CPNE4: variants seen among roughly 807,000 people sequenced by gnomAD.
CPNE4 encodes copine 4, also known as copine-4.
CPNE4 carries 25 observed loss-of-function variants against 67.9 expected under a neutral mutation model. The ratio of observed to expected loss-of-function variants is 0.37; its 90% CI spans 0.27 to 0.51. The LOEUF (loss-of-function observed/expected upper bound fraction) is 0.51. CPNE4 is among the 20% of genes least tolerant of loss of function. The pLI is 0.93. For missense variants in CPNE4, 464 were observed against 690.8 expected (o/e 0.67, Z 3.68); for synonymous variants, 242 against 244.9 (o/e 0.99, Z 0.11).
At chr3:131,567,886 T>C (rs1582813557) in intron 10 of CPNE4, among the ~76,000 whole-genome samples, 1 of 152,122 alleles carries the variant, frequency 6.6e-6, no homozygotes, top group Non-Finnish European at 1.5e-5. Context: ...GGTGCTACTA[T>C]TTAAACATTC....
At chr3:132,024,357 T>C (rs1313784298) in intron 1 of CPNE4, among the ~76,000 whole-genome samples, 1 of 152,186 alleles carries the variant, frequency 6.6e-6, no homozygotes, top group African/African-American at 2.4e-5. Context: ...GTGTTGGGAT[T>C]ACAGGTGTGA....
chr3:131,788,307 GATTA>G (rs1431805548), intron 2 of CPNE4, among the ~76,000 whole-genome samples: 24 of 152,098 alleles, frequency 1.6e-4, no homozygotes, highest in Admixed American at 7.2e-4. Context: ...TATGCATGCT[GATTA>G]ATTAATAAAA....
At chr3:131,843,156 A>C (rs976478947) in intron 2 of CPNE4, among the ~76,000 whole-genome samples, 2 of 152,190 alleles carry the variant, frequency 1.3e-5, no homozygotes, top group Non-Finnish European at 2.9e-5. Context: ...ATTCAGAAAA[A>C]ACAAGTCTTA....
intron 2 of CPNE4, among the ~76,000 whole-genome samples, chr3:131,787,790 C>T (rs183163008): frequency 6.6e-6 from 1 of 152,062 alleles, no homozygotes; most frequent in African/African-American, 2.4e-5. Context: ...TGATAAGTTC[C>T]TGGAAGGCAG....
At chr3:131,883,807 G>T (rs1244362966) in intron 2 of CPNE4, among the ~76,000 whole-genome samples, 1 of 152,216 alleles carries the variant, frequency 6.6e-6, no homozygotes, top group African/African-American at 2.4e-5. Flanking sequence ...ATGTTGCACA[G>T]AAGATCTCTA....
chr3:131,598,844 CCCCCA>C, intron 7 of CPNE4, among the ~76,000 whole-genome samples: 1 of 115,032 alleles, frequency 8.7e-6, no homozygotes, highest in African/African-American at 5.2e-5. Context: ...TAAAATTGTC[CCCCCA>C]CCCCCCCGCC....
intron 2 of CPNE4, among the ~76,000 whole-genome samples, chr3:131,804,013 G>T (rs1385328603): frequency 6.6e-6 from 1 of 152,144 alleles, no homozygotes; most frequent in African/African-American, 2.4e-5. Context: ...TATCTCTTGT[G>T]TGCCTATAAA....
chr3:131,779,148 A>G (rs1386039136), intron 2 of CPNE4, among the ~76,000 whole-genome samples: 1 of 152,114 alleles, frequency 6.6e-6, no homozygotes, highest in Non-Finnish European at 1.5e-5. Flanking sequence ...AAATCTCTAC[A>G]CTGAGAATTA....
chr3:131,953,351 G>A (rs182759932), intron 1 of CPNE4, among the ~76,000 whole-genome samples: 19 of 151,282 alleles, frequency 1.3e-4, no homozygotes, highest in Admixed American at 2.6e-4. Flanking sequence ...TTTTAGCTGC[G>A]GATTTGTCAT....
chr3:131,920,570 G>A (rs912575063), intron 1 of CPNE4, among the ~76,000 whole-genome samples: 2 of 151,652 alleles, frequency 1.3e-5, no homozygotes, highest in African/African-American at 4.8e-5. Context: ...GGGTGTGGGG[G>A]TATTTTAAAG....
At chr3:131,941,454 T>C (rs2071384940) in intron 1 of CPNE4, among the ~76,000 whole-genome samples, 1 of 152,056 alleles carries the variant, frequency 6.6e-6, no homozygotes, top group South Asian at 2.1e-4. Flanking sequence ...TTTCTCCCTT[T>C]ATATCTTTTT....
chr3:131,979,104 C>A (rs1158451395), intron 1 of CPNE4, among the ~76,000 whole-genome samples: 1 of 151,946 alleles, frequency 6.6e-6, no homozygotes, highest in Non-Finnish European at 1.5e-5. Flanking sequence ...TATTTTATGG[C>A]CTTTCATATG....
At chr3:131,550,565 A>G (rs549539018) in intron 13 of CPNE4, among the ~76,000 whole-genome samples, 1 of 152,236 alleles carries the variant, frequency 6.6e-6, no homozygotes, top group Admixed American at 6.5e-5. Flanking sequence ...TGTTGACTCT[A>G]GTAGATACTA....
rs543189906 is a variant in CPNE4, at chr3:131,964,032, G to A, written c.-1-58588C>T. 3.9e-5 allele frequency among the ~76,000 whole-genome samples: 6 copies of A among 152,270 alleles called. No individual in the cohort carries two copies. The East Asian group carries it at 9.7e-4, about 25-fold the overall frequency. Reference sequence around the variant, plus strand: ...GACAAAGCTTCCAGGGAAGGAGCAGGCAGCAATCTTTGCTGCTCTGCAGCC... The same window carrying A: ...GACAAAGCTTCCAGGGAAGGAGCAGACAGCAATCTTTGCTGCTCTGCAGCC... On this transcript the variant is annotated intron_variant, in intron 1 of 15. Transcript: ENST00000429747.
intron 1 of CPNE4, among the ~76,000 whole-genome samples, chr3:131,921,590 C>T (rs2070741163): frequency 6.6e-6 from 1 of 152,134 alleles, no homozygotes; most frequent in South Asian, 2.1e-4. Context: ...AGTTCATTTT[C>T]TACCTCCATG....
intron 7 of CPNE4, among the ~76,000 whole-genome samples, chr3:131,644,042 C>A (rs937616238): frequency 6.6e-6 from 1 of 152,166 alleles, no homozygotes; most frequent in Non-Finnish European, 1.5e-5. Flanking sequence ...AAGGTACACA[C>A]TTTTGGCATA....
At chr3:131,893,866 T>G (rs1413517508) in intron 2 of CPNE4, among the ~76,000 whole-genome samples, 2 of 151,688 alleles carry the variant, frequency 1.3e-5, no homozygotes, top group African/African-American at 4.8e-5. Flanking sequence ...GGAAGAAAGA[T>G]TTCCGATAAA....
intron 7 of CPNE4, among the ~76,000 whole-genome samples, chr3:131,651,582 TTTAGAG>T (rs2079817451): frequency 6.6e-6 from 1 of 152,186 alleles, no homozygotes; most frequent in Non-Finnish European, 1.5e-5. Context: ...GAGAAAGGAC[TTTAGAG>T]TTAAACAGAC....
intron 2 of CPNE4, among the ~76,000 whole-genome samples, chr3:131,882,208 A>G (rs890374809): frequency 1.3e-5 from 2 of 152,082 alleles, no homozygotes; most frequent in African/African-American, 4.8e-5. Context: ...TAATATGTTA[A>G]TAAGTTATGG....
Sources: allele counts gnomAD v4.1 joint callset (sites outside exome capture counted in the v4.1 genomes callset), GRCh38; gene constraint gnomAD v4.1.1; transcripts MANE v1.5; gene names NCBI Gene and HGNC (gene_info 2026-07-23, HGNC 2026-07-21).